The following UTS2B variants were observed in gnomAD, a reference collection of about 807,000 sequenced individuals.
The protein encoded by UTS2B is urotensin 2B.
UTS2B carries 21 observed loss-of-function variants against 19.2 expected under a neutral mutation model. The observed-to-expected ratio is 1.09, with a 90% CI of 0.78 to 1.58. UTS2B has a LOEUF of 1.58. UTS2B is among the 40% of genes most tolerant of loss of function. The pLI is 0.00. For synonymous variants in UTS2B, 57 were observed against 50.2 expected, an observed-to-expected ratio of 1.14 and a Z score of -0.58; for missense variants, 138 against 130.3, an observed-to-expected ratio of 1.06 and a Z score of -0.29.
At chr3:191,281,945 C>T in intron 5 of UTS2B, 142 bp downstream of exon 5, 1 of 635,184 alleles carries the variant, frequency 1.6e-6, no homozygotes, top group Admixed American at 3.1e-5. Flanking sequence ...TGACCAGCAA[C>T]TACTTAAGGG....
chr3:191,303,195 T>G (rs1227250591), intron 4 of UTS2B, among the ~76,000 whole-genome samples: 1 of 152,156 alleles, frequency 6.6e-6, no homozygotes, highest in Admixed American at 6.6e-5. Context: ...CTGTATAAAC[T>G]TCAACCACCC....
intron 1 of UTS2B, chr3:191,329,348 C>G (rs543596924): frequency 1.9e-4 from 58 of 300,694 alleles, no homozygotes; most frequent in East Asian, 3.2e-4. Flanking sequence ...CCGGCCCGCC[C>G]GCCTTTCTGT....
At chr3:191,309,006 T>A (rs188563222) in intron 3 of UTS2B, among the ~76,000 whole-genome samples, 4 of 152,198 alleles carry the variant, frequency 2.6e-5, no homozygotes, top group Non-Finnish European at 5.9e-5. Flanking sequence ...TGATCCTCTA[T>A]CCTAAAGGGA....
chr3:191,279,752 GA>G (rs1045039796), intron 5 of UTS2B, among the ~76,000 whole-genome samples: 3 of 151,516 alleles, frequency 2.0e-5, no homozygotes, highest in Non-Finnish European at 2.9e-5. Flanking sequence ...TATCTCTTAA[GA>G]AAAAAACCTC....
At chr3:191,281,910 C>T (rs567689455) in intron 5 of UTS2B, among the ~76,000 whole-genome samples, 177 bp downstream of exon 5, 1 of 152,080 alleles carries the variant, frequency 6.6e-6, no homozygotes, top group East Asian at 1.9e-4. Flanking sequence ...TTGAAAAGAA[C>T]AGCATTGAAG....
At chr3:191,338,059 A>G in the UTS2B span, among the ~76,000 whole-genome samples, 1 of 152,024 alleles carries the variant, frequency 6.6e-6, no homozygotes, top group Admixed American at 6.6e-5. Context: ...TTTTCCAATG[A>G]GTCATAAAGG....
At chr3:191,303,955 G>T (rs4247188) in intron 4 of UTS2B, among the ~76,000 whole-genome samples, 11 of 151,698 alleles carry the variant, frequency 7.3e-5, no homozygotes, top group Non-Finnish European at 1.3e-4. Context: ...GCAGAAGAAA[G>T]AATTGCCTGG....
intron 3 of UTS2B, among the ~76,000 whole-genome samples, chr3:191,312,167 A>G (rs1717320416): frequency 6.6e-6 from 1 of 151,660 alleles, no homozygotes; most frequent in Admixed American, 6.6e-5. Flanking sequence ...AAAAAAAAAA[A>G]AGGCATCTCC....
At chr3:191,325,723 T>C (rs531270276) in intron 2 of UTS2B, among the ~76,000 whole-genome samples, 3 of 152,320 alleles carry the variant, frequency 2.0e-5, no homozygotes, top group African/African-American at 4.8e-5. Flanking sequence ...GTTGAAGCCC[T>C]AGCCTCCAGT....
intron 3 of UTS2B, among the ~76,000 whole-genome samples, chr3:191,310,580 G>A (rs11920783): frequency 0.024 from 3,677 of 152,272 alleles, 150 homozygotes; most frequent in African/African-American, 0.085. Context: ...TGCTATTTCT[G>A]TGAGTAATGA....
chr3:191,331,189 T>G (rs1717971083), upstream of UTS2B, among the ~76,000 whole-genome samples: 1 of 152,170 alleles, frequency 6.6e-6, no homozygotes, highest in Non-Finnish European at 1.5e-5. Context: ...CCTTGTGCAG[T>G]GTGTAGTGCA....
chr3:191,286,889 G>A (rs943585763), intron 4 of UTS2B, among the ~76,000 whole-genome samples: 1 of 150,010 alleles, frequency 6.7e-6, no homozygotes, highest in African/African-American at 2.4e-5. Flanking sequence ...GATAAAAAGT[G>A]AGAAGACAAA....
chr3:191,302,110 G>A (rs947643947), intron 4 of UTS2B, among the ~76,000 whole-genome samples: 2 of 152,168 alleles, frequency 1.3e-5, no homozygotes, highest in African/African-American at 2.4e-5. Flanking sequence ...GGATGCAATC[G>A]AAAAGCAGGC....
At chr3:191,292,282 G>A (rs1043890882) in intron 4 of UTS2B, among the ~76,000 whole-genome samples, 1 of 152,078 alleles carries the variant, frequency 6.6e-6, no homozygotes, top group Non-Finnish European at 1.5e-5. Flanking sequence ...TTCTTTCAAT[G>A]TTGTTTTGTA....
At chr3:191,322,014 A>G (rs1717623831) in intron 2 of UTS2B, among the ~76,000 whole-genome samples, 1 of 151,924 alleles carries the variant, frequency 6.6e-6, no homozygotes, top group Non-Finnish European at 1.5e-5. Context: ...GTGACAAGAG[A>G]AAAACTCCAT....
At chr3:191,340,580 A>G in the UTS2B span, among the ~76,000 whole-genome samples, 1 of 152,200 alleles carries the variant, frequency 6.6e-6, no homozygotes, top group East Asian at 1.9e-4. Context: ...CTTCTGTCTC[A>G]GTAAACTATA....
At chr3:191,280,978 C>T (rs976114223) in intron 5 of UTS2B, among the ~76,000 whole-genome samples, 1 of 152,052 alleles carries the variant, frequency 6.6e-6, no homozygotes, top group Non-Finnish European at 1.5e-5. Flanking sequence ...GTCTCTGAGA[C>T]TACTTGTTTT....
chr3:191,287,607 G>A (rs2124077), intron 4 of UTS2B, among the ~76,000 whole-genome samples: 76,754 of 151,712 alleles, frequency 0.51, 21,150 homozygotes, highest in Middle Eastern at 0.63. Context: ...AATGTACCTC[G>A]GCACAATAAA....
intron 3 of UTS2B, among the ~76,000 whole-genome samples, chr3:191,308,707 T>G (rs1298098005): frequency 1.3e-5 from 2 of 152,208 alleles, no homozygotes; most frequent in African/African-American, 4.8e-5. Flanking sequence ...AAAATCATCC[T>G]TGGCTGAGAA....
Sources: gnomAD v4.1 joint callset for allele counts (sites outside exome capture counted in the v4.1 genomes callset) on GRCh38, gnomAD v4.1.1 for gene constraint, MANE v1.5 for transcripts, NCBI Gene and HGNC (gene_info 2026-07-23, HGNC 2026-07-21) for gene names.